The following RORA variants were observed in gnomAD, a reference collection of about 807,000 sequenced individuals.
The protein encoded by RORA is nuclear receptor ROR-alpha.
A neutral mutation model predicts 69.5 loss-of-function variants in RORA; 7 were observed. The ratio of observed to expected loss-of-function variants is 0.10; its 90% confidence interval spans 0.06 to 0.19. The LOEUF (loss-of-function observed/expected upper bound fraction) is 0.19. Ranked by LOEUF, RORA falls within the 10% of genes least tolerant of loss-of-function variation. The pLI, the probability that RORA is intolerant of heterozygous loss-of-function variation, is 1.00. For missense variants in RORA, 457 were observed against 663.0 expected (o/e 0.69, Z 3.41); for synonymous variants, 261 against 240.8 (o/e 1.08, Z -0.78).
chr15:60,891,905 T>G (rs953318466), intron 1 of RORA, among the ~76,000 whole-genome samples: 3 of 152,116 alleles, frequency 2.0e-5, no homozygotes. Flanking sequence ...TCCCAAACCT[T>G]CAGGGTGGGT....
At chr15:60,619,682 T>A (rs2069351921) in intron 2 of RORA, among the ~76,000 whole-genome samples, 1 of 152,222 alleles carries the variant, frequency 6.6e-6, no homozygotes, top group African/African-American at 2.4e-5. Flanking sequence ...ACATTTTCTG[T>A]ATTGCCACTT....
chr15:61,156,820 T>A (rs2079448350), intron 1 of RORA, among the ~76,000 whole-genome samples: 1 of 152,206 alleles, frequency 6.6e-6, no homozygotes, highest in African/African-American at 2.4e-5. Flanking sequence ...TACTGGCCCA[T>A]ATCAAGGATT....
At chr15:60,620,963 T>A (rs2069388433) in intron 2 of RORA, among the ~76,000 whole-genome samples, 1 of 152,240 alleles carries the variant, frequency 6.6e-6, no homozygotes, top group Non-Finnish European at 1.5e-5. Flanking sequence ...GCTGCGTTTC[T>A]TATGCTCACA....
chr15:61,002,336 A>G (rs775323473), intron 1 of RORA, among the ~76,000 whole-genome samples: 1 of 152,210 alleles, frequency 6.6e-6, no homozygotes, highest in Non-Finnish European at 1.5e-5. Context: ...AGTAACATGG[A>G]AGCAAGGTAG....
At chr15:60,559,284 T>C (rs549515810) in intron 2 of RORA, among the ~76,000 whole-genome samples, 241 of 152,358 alleles carry the variant, frequency 1.6e-3, no homozygotes, top group African/African-American at 5.5e-3. Flanking sequence ...ATCCTTTTTA[T>C]GTTTTTTCTT....
rs1342084133 is a variant in RORA, at chr15:61,229,053, C to T, written c.166G>A (p.Gly56Ser). Reference sequence around the variant, plus strand: ...CCCCAGCCCCTCTCCAGCCTCCTACCTCTGCTGGTGCTGGAATAGCTCTGT... The same window carrying T: ...CCCCAGCCCCTCTCCAGCCTCCTACTTCTGCTGGTGCTGGAATAGCTCTGT... Reference protein sequence around the residue: ...RRQSYSSTSRGISVTKKTHTS... With the variant: ...RRQSYSSTSRSISVTKKTHTS... The change falls in exon 1 of 11, where the codon GGT (glycine) becomes AGT (serine). Residue 56 changes from glycine (G) to serine (S), a missense_variant and splice_region_variant. By Grantham distance (56) the Gly-to-Ser change is moderately conservative. This residue lies in a region of RORA where 119 missense variants were observed against 92.4 expected (regional missense o/e 1.29). Transcript: ENST00000335670. 2 of 1,518,408 alleles carry T rather than the reference C, an allele frequency of 1.3e-6. No individual in the cohort carries two copies. Among genetic ancestry groups the T allele is most frequent in the Admixed American group, 2.0e-5 (1 of 49,288 alleles). 94.1% of individuals were successfully genotyped at this position (1,518,408 alleles called of 1,614,324 possible). A position where few individuals can be genotyped will look rare whatever the true frequency, so the allele number is the denominator to read the frequency against.
intron 6 of RORA, 72 bp from the exon 7 acceptor site, chr15:60,503,739 T>C: frequency 3.2e-6 from 5 of 1,581,412 alleles, no homozygotes; most frequent in South Asian, 2.3e-5. Context: ...TGCAGAGTTA[T>C]GAAAGCAAAG....
intron 1 of RORA, among the ~76,000 whole-genome samples, chr15:61,064,365 C>G (rs116030974): frequency 1.2e-4 from 18 of 152,156 alleles, no homozygotes; most frequent in Admixed American, 1.2e-3. Flanking sequence ...TTTTGCAATG[C>G]CTTGCAATAC....
chr15:61,209,458 A>G (rs1044704627), intron 1 of RORA, among the ~76,000 whole-genome samples: 2 of 152,238 alleles, frequency 1.3e-5, no homozygotes, highest in African/African-American at 4.8e-5. Flanking sequence ...AAAAATTTTA[A>G]CTTTTTAGAG....
intron 1 of RORA, among the ~76,000 whole-genome samples, chr15:60,813,919 A>C (rs6494227): frequency 0.072 from 11,002 of 152,190 alleles, 544 homozygotes; most frequent in Admixed American, 0.13. Context: ...CTTTTAGGTA[A>C]ATGTCGGATA....
intron 1 of RORA, among the ~76,000 whole-genome samples, chr15:61,150,993 G>A (rs967745084): frequency 3.9e-5 from 6 of 152,208 alleles, no homozygotes; most frequent in Non-Finnish European, 8.8e-5. Flanking sequence ...GAGAATACAG[G>A]TATTGGAACT....
chr15:61,077,158 A>C (rs534440519), intron 1 of RORA, among the ~76,000 whole-genome samples: 2 of 152,010 alleles, frequency 1.3e-5, no homozygotes, highest in African/African-American at 4.8e-5. Flanking sequence ...TCAGCTGTTA[A>C]AGTAATATTT....
chr15:60,751,846 A>G lies in RORA; in HGVS notation c.167-73160T>C, dbSNP rs535912035. 2.6e-3 allele frequency among the ~76,000 whole-genome samples: 391 copies of G among 152,306 alleles called. 1 individual carries two copies. The highest frequency in any genetic ancestry group is 9.1e-3 in the African/African-American group (378 of 41,578). The stretch of plus-strand genomic sequence containing the variant: ...AACAGGCCTCTAAGCTCCTCTACCA[A>G]AACTGCATAGACCACTCTGTAAAAC... On this transcript the variant is annotated intron_variant, in intron 1 of 10. Coordinates refer to ENST00000335670, the MANE Select transcript of RORA (RefSeq NM_134261.3).
chr15:61,085,067 A>T (rs2078603091), intron 1 of RORA, among the ~76,000 whole-genome samples: 1 of 150,668 alleles, frequency 6.6e-6, no homozygotes, highest in Non-Finnish European at 1.5e-5. Flanking sequence ...AAGCTCAGCC[A>T]AGGATGCTCT....
At chr15:60,586,301 G>C (rs2068333340) in intron 2 of RORA, among the ~76,000 whole-genome samples, 2 of 152,134 alleles carry the variant, frequency 1.3e-5, no homozygotes, top group East Asian at 3.9e-4. Flanking sequence ...ATCACAACTG[G>C]CACTTGGGGT....
intron 1 of RORA, among the ~76,000 whole-genome samples, chr15:60,880,499 C>T (rs960206910): frequency 6.6e-6 from 1 of 152,088 alleles, no homozygotes; most frequent in African/African-American, 2.4e-5. Context: ...ATTAGCTGGG[C>T]GTGGTGGTGG....
chr15:60,711,915 C>T (rs1443284406), intron 1 of RORA, among the ~76,000 whole-genome samples: 1 of 152,154 alleles, frequency 6.6e-6, no homozygotes, highest in East Asian at 1.9e-4. Flanking sequence ...CCCACAGTCA[C>T]CCTCAAGATG....
At chr15:60,696,163 C>T (rs1373799408) in intron 1 of RORA, among the ~76,000 whole-genome samples, 1 of 152,198 alleles carries the variant, frequency 6.6e-6, no homozygotes, top group Non-Finnish European at 1.5e-5. Flanking sequence ...CTCACGGTGA[C>T]ATTCAAAGTT....
At position 60,829,714 on chromosome 15, in the gene RORA, A is replaced by G. The variant is rs116770082; in HGVS notation, c.167-151028T>C. On this transcript the variant is annotated intron_variant, in intron 1 of 10. Coordinates refer to ENST00000335670, the MANE Select transcript of RORA (RefSeq NM_134261.3). ...TGAGATTCCTACCAGGAGATGGAAG[A>G]AATCTCACAGAGCACCAGAAAACTC... Among the ~76,000 whole-genome samples, 263 of 152,374 alleles carry G rather than the reference A, an allele frequency of 1.7e-3. 1 individual carries two copies. Among genetic ancestry groups the G allele is most frequent in the African/African-American group, 6.2e-3 (256 of 41,590 alleles).
Sources: allele counts gnomAD v4.1 joint callset (sites outside exome capture counted in the v4.1 genomes callset), GRCh38; gene constraint gnomAD v4.1.1; regional missense constraint gnomAD v4.1.1; transcripts MANE v1.5; gene names NCBI Gene and HGNC (gene_info 2026-07-23, HGNC 2026-07-21).